The following GNB5 variants were observed in gnomAD, a reference collection of about 807,000 sequenced individuals.
GNB5 encodes guanine nucleotide-binding protein subunit beta-5.
Under a neutral mutation model 55.3 loss-of-function variants are expected in GNB5, and 37 were observed. The observed-to-expected ratio is 0.67, with a 90% CI of 0.51 to 0.88. The LOEUF (loss-of-function observed/expected upper bound fraction) is 0.88. Among genes scored for constraint, GNB5 ranks in the 40% least tolerant of loss-of-function variants. The probability of loss-of-function intolerance (pLI) is 0.00; values close to 1 mark genes in which losing one functional copy is unlikely to be tolerated. For missense variants in GNB5, 476 were observed against 515.3 expected, an observed-to-expected ratio of 0.92 and a Z score of 0.74; for synonymous variants, 219 against 198.5, an observed-to-expected ratio of 1.10 and a Z score of -0.87.
chr15:52,123,270 G>A (rs1218475747), intron 12 of GNB5, among the ~76,000 whole-genome samples: 1 of 152,050 alleles, frequency 6.6e-6, no homozygotes, highest in Non-Finnish European at 1.5e-5. Flanking sequence ...CATGTCTCAG[G>A]ACAATATAGA....
At chr15:52,131,888 G>A (rs2033587230) in intron 9 of GNB5, among the ~76,000 whole-genome samples, 1 of 152,104 alleles carries the variant, frequency 6.6e-6, no homozygotes, top group South Asian at 2.1e-4. Context: ...TCTCTCTTGG[G>A]ATCTAATTCA....
At chr15:52,146,736 ATTTT>A (rs60737688) in intron 6 of GNB5, among the ~76,000 whole-genome samples, 3 of 110,918 alleles carry the variant, frequency 2.7e-5, no homozygotes, top group Admixed American at 9.7e-5. Context: ...AGCTAATTAG[ATTTT>A]TTTTTTTTTT....
At chr15:52,190,794 A>C (rs1353843475) in intron 1 of GNB5, among the ~76,000 whole-genome samples, 1 of 3,608 alleles carries the variant, frequency 2.8e-4, no homozygotes, top group African/African-American at 3.2e-4. Flanking sequence ...AAAAAAAAAA[A>C]AAAAAAAAAA....
intron 3 of GNB5, among the ~76,000 whole-genome samples, chr15:52,176,425 G>A (rs1412474671): frequency 6.6e-6 from 1 of 152,174 alleles, no homozygotes; most frequent in Non-Finnish European, 1.5e-5. Flanking sequence ...TTTGCACCTG[G>A]CAGGGCTCTA....
At chr15:52,175,497 G>A (rs1186579186) in intron 3 of GNB5, among the ~76,000 whole-genome samples, 1 of 152,216 alleles carries the variant, frequency 6.6e-6, no homozygotes, top group Non-Finnish European at 1.5e-5. Flanking sequence ...CCAGCACTTT[G>A]GGAGGCTGAG....
intron 7 of GNB5, chr15:52,137,950 G>C (rs2033762944): frequency 7.8e-7 from 1 of 1,286,916 alleles, no homozygotes; most frequent in Non-Finnish European, 1.0e-6. Flanking sequence ...GATGGCTGAG[G>C]AAAGAAAAGA....
chr15:52,126,768 C>T (rs2033441478), intron 10 of GNB5, among the ~76,000 whole-genome samples: 2 of 152,076 alleles, frequency 1.3e-5, no homozygotes. Context: ...CAGGAAATAG[C>T]ATGACCAGAT....
rs762021903 is a variant in GNB5, at chr15:52,122,778, C to T, written c.1177-10G>A. On this transcript the variant is annotated splice_polypyrimidine_tract_variant and intron_variant, in intron 12 of 12. Coordinates refer to ENST00000261837, the MANE Select transcript of GNB5 (RefSeq NM_016194.4). The stretch of plus-strand genomic sequence containing the variant: ...ATGATTAGGCCCAGACCTGTGAAGA[C>T]ACAAACAGATAGTTTTTAGACCTTT... The T allele has an allele frequency of 2.5e-6, 4 of 1,602,034 alleles. No individual in the cohort carries two copies. The South Asian group carries it at 4.4e-5, about 18-fold the overall frequency.
At chr15:52,137,410 G>T in intron 7 of GNB5, 1 of 1,028,288 alleles carries the variant, frequency 9.7e-7, no homozygotes, top group South Asian at 3.6e-5. Flanking sequence ...CTCCAGGGGG[G>T]CCTATGTCTG....
At position 52,152,183 on chromosome 15, in the gene GNB5, G is replaced by A. The variant is rs112487147; in HGVS notation, c.375+1757C>T. ...ACGCAAAACTGACACAGACGTTACAGTTTGTGGATTATCTAGAGTATATCC... is the reference window on the plus strand; with the variant it reads ...ACGCAAAACTGACACAGACGTTACAATTTGTGGATTATCTAGAGTATATCC... On this transcript the variant is annotated intron_variant, in intron 4 of 12. Coordinates refer to ENST00000261837, the MANE Select transcript of GNB5 (RefSeq NM_016194.4). Among the ~76,000 whole-genome samples the A allele has an allele frequency of 3.6e-3, 540 of 151,278 alleles. 7 individuals are homozygous for A. The highest frequency in any genetic ancestry group is 0.013 in the African/African-American group (525 of 41,132).
intron 10 of GNB5, 40 bp downstream of exon 10, chr15:52,128,156 C>G: frequency 7.3e-7 from 1 of 1,365,552 alleles, no homozygotes; most frequent in Non-Finnish European, 1.0e-6. Flanking sequence ...GCAGATCCCT[C>G]TATTGACTAG....
chr15:52,165,646 T>C (rs747934624), intron 3 of GNB5, among the ~76,000 whole-genome samples: 1 of 151,978 alleles, frequency 6.6e-6, no homozygotes, highest in African/African-American at 2.4e-5. Context: ...GACAAGCAAA[T>C]GCTGAGGAAA....
At position 52,128,247 on chromosome 15, in the gene GNB5, G is replaced by A. The variant is rs368285210; in HGVS notation, c.864-3C>T. On this transcript the variant is annotated splice_polypyrimidine_tract_variant and splice_region_variant and intron_variant, in intron 9 of 12. Coordinates refer to ENST00000261837, the MANE Select transcript of GNB5 (RefSeq NM_016194.4). ...AGGCATCTCCACTGGGGTAGTACCT[G>A]CAGAGAGAAAGTACTTTATCTACGG... 27 of 1,599,010 alleles carry A rather than the reference G, an allele frequency of 1.7e-5. No homozygotes were observed. Among genetic ancestry groups the A allele is most frequent in the African/African-American group, 5.4e-5 (4 of 74,598 alleles).
chr15:52,170,711 A>AG (rs1006121463), intron 3 of GNB5, among the ~76,000 whole-genome samples: 1 of 150,154 alleles, frequency 6.7e-6, no homozygotes, highest in Non-Finnish European at 1.5e-5. Context: ...TAAAAGCTGA[A>AG]GAAAAAAAAA....
chr15:52,147,575 CA>C, intron 5 of GNB5, 40 bp from the exon 6 acceptor site: 1 of 1,062,184 alleles, frequency 9.4e-7, no homozygotes, highest in Non-Finnish European at 1.4e-6. Context: ...CACTTCCACA[CA>C]AAAATCTTTT....
intron 3 of GNB5, among the ~76,000 whole-genome samples, chr15:52,159,088 CAAT>C (rs1229454483): frequency 1.3e-5 from 2 of 152,114 alleles, no homozygotes; most frequent in African/African-American, 4.8e-5. Flanking sequence ...AAAGGCCCAA[CAAT>C]AATACTGATG....
rs576904005 is a variant in GNB5, at chr15:52,188,372, G to A, written c.-19+2950C>T. 2.6e-5 allele frequency among the ~76,000 whole-genome samples: 4 copies of A among 152,250 alleles called. No homozygotes were observed. The South Asian group carries it at 6.2e-4, about 24-fold the overall frequency. ...AGTTTGGGGGAAAAAAAGATATAAG[G>A]AAGAAGATAATCACCTATAATCCCA... On this transcript the variant is annotated intron_variant, in intron 1 of 12. Coordinates refer to ENST00000261837, the MANE Select transcript of GNB5 (RefSeq NM_016194.4).
At chr15:52,128,394 G>C in intron 9 of GNB5, 150 bp from the exon 10 acceptor site, 2 of 642,378 alleles carry the variant, frequency 3.1e-6, no homozygotes, top group Admixed American at 2.6e-5. Flanking sequence ...TCCTATGTCA[G>C]GCCCACTGAT....
Position 52,182,402 on chromosome 15 carries a change from G to A in GNB5, c.126+2149C>T, listed in dbSNP as rs184163562. Among the ~76,000 whole-genome samples, 310 of 152,318 alleles carry A rather than the reference G, an allele frequency of 2.0e-3. 4 individuals are homozygous for A. The highest frequency in any genetic ancestry group is 1.8e-3 in the Non-Finnish European group (125 of 68,034). On this transcript the variant is annotated intron_variant, in intron 2 of 12. Coordinates refer to ENST00000261837, the MANE Select transcript of GNB5 (RefSeq NM_016194.4). ...GGTCCTCCTGGCTGTGAAGACCTGAGGCACGTGGTACTTCTCACTGGTGTG... is the reference window on the plus strand; with the variant it reads ...GGTCCTCCTGGCTGTGAAGACCTGAAGCACGTGGTACTTCTCACTGGTGTG...
Sources: allele counts gnomAD v4.1 joint callset (sites outside exome capture counted in the v4.1 genomes callset), GRCh38; gene constraint gnomAD v4.1.1; transcripts MANE v1.5; gene names NCBI Gene and HGNC (gene_info 2026-07-23, HGNC 2026-07-21).